Variants in CREB5 observed in about 807,000 individuals in gnomAD.
CREB5 encodes the protein cAMP responsive element binding protein 5.
Under a neutral mutation model 57.1 loss-of-function variants are expected in CREB5, and 19 were observed. That is an observed-to-expected ratio of 0.33 (90% confidence interval 0.23 to 0.49). CREB5 has a LOEUF of 0.49. Among genes scored for constraint, CREB5 ranks in the 20% least tolerant of loss-of-function variants. The pLI, the probability that CREB5 is intolerant of heterozygous loss-of-function variation, is 0.99. For missense variants in CREB5, 579 were observed against 671.6 expected, an observed-to-expected ratio of 0.86 and a Z score of 1.52; for synonymous variants, 238 against 238.3, an observed-to-expected ratio of 1.00 and a Z score of 0.01.
intron 4 of CREB5, among the ~76,000 whole-genome samples, chr7:28,536,356 T>C (rs6951034): frequency 0.15 from 22,806 of 152,192 alleles, 2,059 homozygotes; most frequent in East Asian, 0.3. Context: ...CACTCTATCA[T>C]GAGGTAAGGC....
chr7:28,427,416 AATGATTCTAAAAAACAC>A (rs932997093), intron 1 of CREB5, among the ~76,000 whole-genome samples: 2 of 152,176 alleles, frequency 1.3e-5, no homozygotes, highest in Admixed American at 6.5e-5. Context: ...ATTTTTAAAA[AATGATTCTAAAAAACAC>A]ATGACCAACT....
At chr7:28,685,008 T>C (rs952395704) in intron 5 of CREB5, among the ~76,000 whole-genome samples, 3 of 152,162 alleles carry the variant, frequency 2.0e-5, no homozygotes, top group East Asian at 1.9e-4. Context: ...TTCACTGTCA[T>C]TTGTGAAGGA....
chr7:28,411,122 C>G (rs1787777567), upstream of CREB5, among the ~76,000 whole-genome samples: 1 of 152,182 alleles, frequency 6.6e-6, no homozygotes, highest in African/African-American at 2.4e-5. Flanking sequence ...GCCTTCTCCT[C>G]TAGGGCGAAA....
chr7:28,356,532 A>G (rs1274404171), intron 1 of CREB5, among the ~76,000 whole-genome samples: 4 of 152,240 alleles, frequency 2.6e-5, no homozygotes, highest in Admixed American at 6.5e-5. Flanking sequence ...ACCGATCAAT[A>G]GGCTTTTGGG....
At chr7:28,338,385 A>G (rs1326011409) in intron 1 of CREB5, among the ~76,000 whole-genome samples, 1 of 152,186 alleles carries the variant, frequency 6.6e-6, no homozygotes. Context: ...TATTTTCAGC[A>G]GACATACTAT....
chr7:28,493,801 A>C (rs1791906291), intron 2 of CREB5, among the ~76,000 whole-genome samples: 2 of 152,232 alleles, frequency 1.3e-5, no homozygotes, highest in Admixed American at 1.3e-4. Flanking sequence ...TTCCCTGAAA[A>C]TTAAAAATAA....
chr7:28,660,473 C>A (rs1799565930), intron 5 of CREB5, among the ~76,000 whole-genome samples: 2 of 140,204 alleles, frequency 1.4e-5, no homozygotes, highest in African/African-American at 5.4e-5. Flanking sequence ...AGAGTTACTT[C>A]TTGCCCTCTC....
At chr7:28,708,673 A>G (rs766399733) in intron 5 of CREB5, among the ~76,000 whole-genome samples, 1 of 152,214 alleles carries the variant, frequency 6.6e-6, no homozygotes, top group East Asian at 1.9e-4. Context: ...AAATTCCGTC[A>G]TCTATTTGGA....
intron 9 of CREB5, among the ~76,000 whole-genome samples, chr7:28,815,479 G>C (rs887711775): frequency 6.6e-6 from 1 of 152,146 alleles, no homozygotes; most frequent in African/African-American, 2.4e-5. Flanking sequence ...CATATACTTT[G>C]TATGGGGTTT....
chr7:28,582,899 G>GT (rs1306295071), intron 5 of CREB5, among the ~76,000 whole-genome samples: 3 of 152,244 alleles, frequency 2.0e-5, no homozygotes, highest in Middle Eastern at 3.4e-3. Flanking sequence ...ATAACTGATG[G>GT]TTTTTTTAAA....
At chr7:28,783,277 C>A (rs1244536344) in intron 7 of CREB5, among the ~76,000 whole-genome samples, 5 of 152,142 alleles carry the variant, frequency 3.3e-5, no homozygotes, top group Non-Finnish European at 7.3e-5. Flanking sequence ...ATTTTCGTGT[C>A]ACATTTGCTG....
rs77490764 is a variant in CREB5 at position 28,704,425 on chromosome 7, T to G, written c.465-14328T>G. Among the ~76,000 whole-genome samples the G allele has an allele frequency of 1.2e-3, 188 of 152,228 alleles. 1 individual carries two copies. Among genetic ancestry groups the G allele is most frequent in the Non-Finnish European group, 2.0e-3 (135 of 68,012 alleles). On this transcript the variant is annotated intron_variant, in intron 5 of 10. Transcript: ENST00000357727. Reference sequence around the variant, plus strand: ...TATGTGTCCACCTTTGAGGAAAATCTACCTTTAACTGACGTGTTGCTTCCC... The same window carrying G: ...TATGTGTCCACCTTTGAGGAAAATCGACCTTTAACTGACGTGTTGCTTCCC...
At chr7:28,569,322 C>A (rs958219682) in intron 4 of CREB5, among the ~76,000 whole-genome samples, 1 of 152,054 alleles carries the variant, frequency 6.6e-6, no homozygotes, top group Non-Finnish European at 1.5e-5. Flanking sequence ...AAGCACTACA[C>A]CGCTTTCTCT....
intron 1 of CREB5, among the ~76,000 whole-genome samples, chr7:28,325,115 A>G (rs984197155): frequency 6.6e-6 from 1 of 152,190 alleles, no homozygotes; most frequent in African/African-American, 2.4e-5. Context: ...TTCTACACTT[A>G]TACACTTATA....
In CREB5 at chr7:28,525,791, G is replaced by A. The variant is rs569324175; in HGVS notation, c.291+18054G>A. Among the ~76,000 whole-genome samples the A allele has an allele frequency of 2.0e-5, 3 of 152,120 alleles. No homozygotes were observed. The South Asian group carries it at 6.2e-4, about 32-fold the overall frequency. ...TCTGTGTGTGTATGATGGGGAGAGTGGTAGATATCAATGGCAGGTCTTAGT... is the reference window on the plus strand; with the variant it reads ...TCTGTGTGTGTATGATGGGGAGAGTAGTAGATATCAATGGCAGGTCTTAGT... On this transcript the variant is annotated intron_variant, in intron 4 of 10. Coordinates refer to ENST00000357727, the MANE Select transcript of CREB5 (RefSeq NM_182898.4).
intron 5 of CREB5, among the ~76,000 whole-genome samples, chr7:28,692,197 A>AAAAC (rs2128731205): frequency 6.6e-6 from 1 of 150,920 alleles, no homozygotes; most frequent in African/African-American, 2.4e-5. Context: ...AAAAAAAAAA[A>AAAAC]AGCAGCAGCT....
intron 1 of CREB5, among the ~76,000 whole-genome samples, chr7:28,400,784 A>G (rs181806992): frequency 1.2e-4 from 19 of 152,344 alleles, no homozygotes; most frequent in South Asian, 2.1e-4. Context: ...AAATGCCCCT[A>G]AAGAGATGAG....
intron 1 of CREB5, among the ~76,000 whole-genome samples, chr7:28,470,087 T>G (rs1227379538): frequency 6.6e-6 from 1 of 152,196 alleles, no homozygotes. Flanking sequence ...CAATACTCTT[T>G]TAGTAATTTT....
At chr7:28,764,067 C>T (rs1253000135) in intron 7 of CREB5, among the ~76,000 whole-genome samples, 10 of 151,934 alleles carry the variant, frequency 6.6e-5, no homozygotes, top group Non-Finnish European at 1.5e-5. Flanking sequence ...TCTCCTAAAG[C>T]ACCAGGATTA....
Sources: allele counts gnomAD v4.1 joint callset (sites outside exome capture counted in the v4.1 genomes callset), GRCh38; gene constraint gnomAD v4.1.1; transcripts MANE v1.5; gene names NCBI Gene and HGNC (gene_info 2026-07-23, HGNC 2026-07-21).